Variants in SNAP25 observed in about 807,000 individuals in gnomAD.
SNAP25 encodes synaptosomal-associated protein 25.
SNAP25 carries 3 observed loss-of-function variants against 28.7 expected under a neutral mutation model. That is an observed-to-expected ratio of 0.10 (90% CI 0.05 to 0.27). SNAP25 has a LOEUF of 0.27. SNAP25 is among the 10% of genes least tolerant of loss of function. The pLI is 1.00. For synonymous variants in SNAP25, 61 were observed against 88.1 expected (o/e 0.69, Z 1.72); for missense variants, 117 against 278.7 (o/e 0.42, Z 4.13).
At chr20:10,272,268 C>T (rs2063608964) in intron 1 of SNAP25, among the ~76,000 whole-genome samples, 1 of 152,160 alleles carries the variant, frequency 6.6e-6, no homozygotes, top group Non-Finnish European at 1.5e-5. Context: ...CTCAACAACC[C>T]CATGAGATTG....
intron 1 of SNAP25, among the ~76,000 whole-genome samples, chr20:10,242,618 T>C (rs2063054615): frequency 6.6e-6 from 1 of 152,176 alleles, no homozygotes; most frequent in Non-Finnish European, 1.5e-5. Flanking sequence ...GAAAGTGTCC[T>C]GCTGCAAGAA....
chr20:10,283,251 C>A (rs914639638), intron 3 of SNAP25, among the ~76,000 whole-genome samples: 1 of 152,200 alleles, frequency 6.6e-6, no homozygotes, highest in Admixed American at 6.5e-5. Context: ...ATTTGTTTAA[C>A]GCACATACTT....
intron 1 of SNAP25, among the ~76,000 whole-genome samples, chr20:10,230,796 T>C (rs1423356038): frequency 6.6e-6 from 1 of 152,188 alleles, no homozygotes; most frequent in Non-Finnish European, 1.5e-5. Flanking sequence ...GACCATTGGA[T>C]AGAAATCTCC....
At chr20:10,286,382 C>T (rs1288107269) in intron 4 of SNAP25, among the ~76,000 whole-genome samples, 5 of 152,048 alleles carry the variant, frequency 3.3e-5, no homozygotes, top group African/African-American at 9.7e-5. Context: ...GGAGAGCTGC[C>T]GGGAGCAGGC....
chr20:10,259,257 A>AT (rs2063370705), intron 1 of SNAP25, among the ~76,000 whole-genome samples: 1 of 152,202 alleles, frequency 6.6e-6, no homozygotes, highest in Non-Finnish European at 1.5e-5. Context: ...TTAGGTTGGC[A>AT]TTTTTGTTTC....
chr20:10,255,815 A>G (rs766199831), intron 1 of SNAP25, among the ~76,000 whole-genome samples: 20 of 152,210 alleles, frequency 1.3e-4, no homozygotes, highest in African/African-American at 4.1e-4. Context: ...CGGATTTTGT[A>G]TAGGGCTATT....
chr20:10,244,503 A>G (rs1432352498), intron 1 of SNAP25, among the ~76,000 whole-genome samples: 1 of 152,216 alleles, frequency 6.6e-6, no homozygotes, highest in Admixed American at 6.6e-5. Context: ...CAGTGAGGTG[A>G]GGCAGCTTAC....
chr20:10,276,243 G>A (rs1488358251), intron 2 of SNAP25, among the ~76,000 whole-genome samples: 1 of 152,098 alleles, frequency 6.6e-6, no homozygotes, highest in Non-Finnish European at 1.5e-5. Flanking sequence ...TAGGCCAAGA[G>A]TTCATGACCA....
intron 1 of SNAP25, among the ~76,000 whole-genome samples, chr20:10,236,085 G>C (rs972680618): frequency 6.6e-6 from 1 of 152,174 alleles, no homozygotes; most frequent in Non-Finnish European, 1.5e-5. Context: ...GTCAGAGAGA[G>C]CCCCACCTCT....
intron 3 of SNAP25, among the ~76,000 whole-genome samples, chr20:10,278,918 G>C (rs1001036725): frequency 3.5e-4 from 49 of 141,158 alleles, no homozygotes; most frequent in Non-Finnish European, 3.1e-5. Context: ...AGCCGGGGAA[G>C]TGGGTGGGGC....
At chr20:10,282,548 A>G (rs1357865143) in intron 3 of SNAP25, among the ~76,000 whole-genome samples, 1 of 152,264 alleles carries the variant, frequency 6.6e-6, no homozygotes, top group Non-Finnish European at 1.5e-5. Flanking sequence ...ATGTGCAATT[A>G]TACTTGCAGG....
At chr20:10,272,541 T>G (rs1004283861) in intron 1 of SNAP25, among the ~76,000 whole-genome samples, 2 of 152,220 alleles carry the variant, frequency 1.3e-5, no homozygotes, top group Non-Finnish European at 2.9e-5. Flanking sequence ...CTGGAGTGAC[T>G]TGGTGTAAAT....
At chr20:10,285,001 T>A (rs2063848058) in intron 4 of SNAP25, among the ~76,000 whole-genome samples, 1 of 152,202 alleles carries the variant, frequency 6.6e-6, no homozygotes, top group Non-Finnish European at 1.5e-5. Flanking sequence ...CCACTATCTC[T>A]GTTATATATG....
At position 10,233,390 on chromosome 20, in the gene SNAP25, T is replaced by C. The variant is rs112973466; in HGVS notation, c.-64+14413T>C. Among the ~76,000 whole-genome samples the C allele has an allele frequency of 1.9e-3, 281 of 149,250 alleles. 1 individual carries two copies. The highest frequency in any genetic ancestry group is 3.4e-3 in the Middle Eastern group (1 of 292). The stretch of plus-strand genomic sequence containing the variant: ...GCAACCCAGAGGGAAAAGATATGAA[T>C]GTGATTCCTTGACCCAGCCAACCGT... On this transcript the variant is annotated intron_variant, in intron 1 of 7. Coordinates refer to ENST00000254976, the MANE Select transcript of SNAP25 (RefSeq NM_130811.4).
At chr20:10,299,189 T>A (rs2064179149) in intron 6 of SNAP25, 79 bp from the exon 7 acceptor site, 7 of 1,508,186 alleles carry the variant, frequency 4.6e-6, no homozygotes, top group Non-Finnish European at 9.0e-7. Flanking sequence ...GGACGACAGA[T>A]TTCCACTATG....
At chr20:10,299,145 T>G in intron 6 of SNAP25, 123 bp from the exon 7 acceptor site, 4 of 1,109,726 alleles carry the variant, frequency 3.6e-6, no homozygotes, top group South Asian at 1.6e-5. Flanking sequence ...TTGTACTGGA[T>G]GGAGATTAAA....
intron 1 of SNAP25, among the ~76,000 whole-genome samples, chr20:10,237,183 C>T (rs561437171): frequency 6.8e-4 from 104 of 152,066 alleles, no homozygotes; most frequent in African/African-American, 2.3e-3. Flanking sequence ...GAGCAGTTTG[C>T]CAGCTGCTGG....
At chr20:10,231,669 G>T (rs1054313377) in intron 1 of SNAP25, 12 of 152,128 alleles carry the variant, frequency 7.9e-5, no homozygotes, top group African/African-American at 2.9e-4. Context: ...ATCAGGCAGA[G>T]CTTCCTCCAA....
intron 1 of SNAP25, among the ~76,000 whole-genome samples, chr20:10,254,937 T>C (rs363053): frequency 0.12 from 18,500 of 152,056 alleles, 1,777 homozygotes; most frequent in East Asian, 0.32. Context: ...TCAGCCTCTA[T>C]AGAAAAGGGT....
Sources: allele counts gnomAD v4.1 joint callset (sites outside exome capture counted in the v4.1 genomes callset), GRCh38; gene constraint gnomAD v4.1.1; transcripts MANE v1.5; gene names NCBI Gene and HGNC (gene_info 2026-07-23, HGNC 2026-07-21).